Variants in PDZD2 observed in about 807,000 individuals in gnomAD.
PDZD2 encodes the protein PDZ domain containing 2.
PDZD2 carries 90 observed loss-of-function variants against 220.7 expected under a neutral mutation model. The ratio of observed to expected loss-of-function variants is 0.41; its 90% CI spans 0.34 to 0.49. The LOEUF (loss-of-function observed/expected upper bound fraction) is 0.49. Ranked by LOEUF, PDZD2 falls within the 20% of genes least tolerant of loss-of-function variation. The probability of loss-of-function intolerance (pLI) is 0.28; values close to 1 mark genes in which losing one functional copy is unlikely to be tolerated. For missense variants in PDZD2, 3,174 were observed against 3,608.5 expected (o/e 0.88, Z 3.08); for synonymous variants, 1,375 against 1,450.5 (o/e 0.95, Z 1.18).
At chr5:32,051,089 T>C (rs1738500610) in intron 8 of PDZD2, among the ~76,000 whole-genome samples, 1 of 151,930 alleles carries the variant, frequency 6.6e-6, no homozygotes, top group Non-Finnish European at 1.5e-5. Flanking sequence ...CTCTGAGAGG[T>C]TGGTGAAGCC....
chr5:31,923,322 G>A (rs1047685745), intron 2 of PDZD2: 16 of 738,618 alleles, frequency 2.2e-5, no homozygotes, highest in South Asian at 1.3e-4. Flanking sequence ...TTCCCGATGC[G>A]GTGGTTGCTG....
intron 8 of PDZD2, among the ~76,000 whole-genome samples, chr5:32,049,150 G>A (rs990051452): frequency 5.9e-5 from 9 of 152,010 alleles, no homozygotes; most frequent in African/African-American, 2.2e-4. Flanking sequence ...AAGGTCATGG[G>A]GGGCTGTAGA....
intron 1 of PDZD2, among the ~76,000 whole-genome samples, chr5:31,672,913 C>T (rs1746269861): frequency 6.6e-6 from 1 of 152,226 alleles, no homozygotes; most frequent in Non-Finnish European, 1.5e-5. Context: ...TAACGAAACA[C>T]TTTGTAGACT....
chr5:32,014,625 A>G (rs1048395860), intron 6 of PDZD2, among the ~76,000 whole-genome samples: 13 of 147,700 alleles, frequency 8.8e-5, no homozygotes, highest in Middle Eastern at 7.0e-3. Context: ...CCCTTCCCCC[A>G]TACCACCCAT....
At chr5:31,976,714 C>CTTTTTTTTTTTTTT (rs869280921) in intron 2 of PDZD2, among the ~76,000 whole-genome samples, 72 of 99,700 alleles carry the variant, frequency 7.2e-4, no homozygotes, top group Non-Finnish European at 1.1e-3. Context: ...TTTCTTCTTT[C>CTTTTTTTTTTTTTT]TTTTTTTTTT....
chr5:32,066,632 T>C (rs1740236969), intron 14 of PDZD2, among the ~76,000 whole-genome samples: 1 of 152,210 alleles, frequency 6.6e-6, no homozygotes, highest in Non-Finnish European at 1.5e-5. Flanking sequence ...GCTGCCCTAA[T>C]TCATCCGTCA....
chr5:31,722,076 C>T (rs962121437), intron 1 of PDZD2, among the ~76,000 whole-genome samples: 2 of 152,136 alleles, frequency 1.3e-5, no homozygotes, highest in Non-Finnish European at 2.9e-5. Context: ...TGCTTCCATC[C>T]CCAAGCAAGG....
intron 1 of PDZD2, among the ~76,000 whole-genome samples, chr5:31,737,467 C>G (rs77298416): frequency 1.3e-5 from 2 of 152,070 alleles, no homozygotes; most frequent in Non-Finnish European, 1.5e-5. Flanking sequence ...CTACCGCGCC[C>G]GGCCAGAGCA....
intron 1 of PDZD2, among the ~76,000 whole-genome samples, chr5:31,797,570 C>T (rs576094970): frequency 4.1e-4 from 61 of 150,442 alleles, no homozygotes; most frequent in Non-Finnish European, 7.8e-4. Context: ...CCTGACCTTG[C>T]GATCCTCCCG....
chr5:31,860,430 G>C (rs1046032980), intron 2 of PDZD2, among the ~76,000 whole-genome samples: 4 of 152,134 alleles, frequency 2.6e-5, no homozygotes, highest in African/African-American at 4.8e-5. Flanking sequence ...CTACATTCCA[G>C]CTTCCAAAAT....
Position 31,872,384 on chromosome 5 carries a change from G to T in PDZD2, c.476+72660G>T, listed in dbSNP as rs543852458. On this transcript the variant is annotated intron_variant, in intron 2 of 24. Coordinates refer to ENST00000438447, the MANE Select transcript of PDZD2 (RefSeq NM_178140.4). ...CTCTTCTTCATCTGCCTCCATGGGAGTGTGGACATGCATTCCCTAGAAAGC... is the reference window on the plus strand; with the variant it reads ...CTCTTCTTCATCTGCCTCCATGGGATTGTGGACATGCATTCCCTAGAAAGC... 2.6e-5 allele frequency among the ~76,000 whole-genome samples: 4 copies of T among 152,314 alleles called. No homozygotes were observed. In the South Asian group the frequency reaches 8.3e-4, roughly 32 times the overall value.
At chr5:31,942,614 C>T (rs1324889737) in intron 2 of PDZD2, among the ~76,000 whole-genome samples, 3 of 152,200 alleles carry the variant, frequency 2.0e-5, no homozygotes, top group Non-Finnish European at 4.4e-5. Flanking sequence ...AGATTATAGG[C>T]GTGAGCCACT....
At chr5:31,793,810 A>C (rs562923383) in intron 1 of PDZD2, among the ~76,000 whole-genome samples, 2 of 152,298 alleles carry the variant, frequency 1.3e-5, no homozygotes, top group East Asian at 3.9e-4. Context: ...GTCTCAAAAA[A>C]TTTTTAAAAA....
intron 2 of PDZD2, among the ~76,000 whole-genome samples, chr5:31,954,893 C>T (rs1013787840): frequency 1.3e-5 from 2 of 151,960 alleles, no homozygotes; most frequent in Non-Finnish European, 2.9e-5. Flanking sequence ...GCCGAGATCG[C>T]GCCATTGCAC....
intron 1 of PDZD2, chr5:31,787,571 A>G (rs1176436213): frequency 6.6e-6 from 1 of 152,164 alleles, no homozygotes; most frequent in African/African-American, 2.4e-5. Context: ...TAGAGTCTCA[A>G]AATAGCTGCC....
chr5:32,026,987 C>G (rs1754718823), intron 6 of PDZD2, among the ~76,000 whole-genome samples: 1 of 152,228 alleles, frequency 6.6e-6, no homozygotes, highest in Non-Finnish European at 1.5e-5. Context: ...ACTGCAGTCT[C>G]TGCCTCCCGG....
rs1007458254 is a variant in PDZD2 at position 32,110,465 on chromosome 5, T to C, written c.*2330T>C. The C allele has an allele frequency of 6.5e-6, 1 of 152,676 alleles. No homozygotes were observed. The highest frequency in any genetic ancestry group is 2.4e-5 in the African/African-American group (1 of 41,464). The allele number at this position is 152,676 out of a possible 1,614,324, so 9.5% of individuals were successfully genotyped here. Reference sequence around the variant, plus strand: ...TAGAAAGCTATTTATTTGTCTTCAGTGTTCAAGGCATGACTAGTATTTCTA... The same window carrying C: ...TAGAAAGCTATTTATTTGTCTTCAGCGTTCAAGGCATGACTAGTATTTCTA... On this transcript the variant is annotated 3_prime_UTR_variant, in exon 25 of 25. Transcript: ENST00000438447.
chr5:31,753,809 C>A (rs1006591659), intron 1 of PDZD2, among the ~76,000 whole-genome samples: 1 of 152,136 alleles, frequency 6.6e-6, no homozygotes, highest in Non-Finnish European at 1.5e-5. Flanking sequence ...CAGTTTGAGA[C>A]CTCACAGAGG....
intron 2 of PDZD2, among the ~76,000 whole-genome samples, chr5:31,975,820 T>TTG (rs1561238435): frequency 3.0e-5 from 4 of 134,798 alleles, no homozygotes; most frequent in African/African-American, 8.4e-5. Context: ...TTTTTTTTTT[T>TTG]TGAGACAAGG....
Sources: allele counts gnomAD v4.1 joint callset (sites outside exome capture counted in the v4.1 genomes callset), GRCh38; gene constraint gnomAD v4.1.1; transcripts MANE v1.5; gene names NCBI Gene and HGNC (gene_info 2026-07-23, HGNC 2026-07-21).